The following FOXP1 variants were observed in gnomAD, a reference collection of about 807,000 sequenced individuals.
FOXP1 encodes the protein forkhead box P1.
Under a neutral mutation model 98.2 loss-of-function variants are expected in FOXP1, and 15 were observed. The ratio of observed to expected loss-of-function variants is 0.15; its 90% CI spans 0.10 to 0.24. The LOEUF (loss-of-function observed/expected upper bound fraction) is 0.24, where lower values mean the gene tolerates loss of function less well. Among genes scored for constraint, FOXP1 ranks in the 10% least tolerant of loss-of-function variants. The probability of loss-of-function intolerance (pLI) is 1.00; values close to 1 mark genes in which losing one functional copy is unlikely to be tolerated. For synonymous variants in FOXP1, 371 were observed against 314.5 expected (o/e 1.18, Z -1.90); for missense variants, 633 against 848.5 (o/e 0.75, Z 3.15).
At chr3:71,434,566 G>A (rs978886864) in intron 3 of FOXP1, among the ~76,000 whole-genome samples, 16 of 151,926 alleles carry the variant, frequency 1.1e-4, no homozygotes, top group African/African-American at 3.9e-4. Flanking sequence ...TAGCCTTCCT[G>A]GGCACTCATG....
At chr3:71,268,099 T>C (rs1311258563) in intron 5 of FOXP1, among the ~76,000 whole-genome samples, 5 of 143,186 alleles carry the variant, frequency 3.5e-5, no homozygotes, top group African/African-American at 1.3e-4. Context: ...TCTTTTTTTT[T>C]TTTTTTTTTG....
Position 71,462,597 on chromosome 3 carries a change from C to T in FOXP1, c.-168+30829G>A, listed in dbSNP as rs9859861. ...CCATTCGTGTAAAGCTGAAATTTCA[C>T]CAGGTGTCTTCAGCCAAAACCTCCG... is the stretch of plus-strand genomic sequence containing the variant. On this transcript the variant is annotated intron_variant, in intron 3 of 20. Coordinates refer to ENST00000649528, the MANE Select transcript of FOXP1 (RefSeq NM_001349338.3). Among the ~76,000 whole-genome samples the T allele has an allele frequency of 8.3e-3, 1,267 of 152,218 alleles. 19 individuals are homozygous for T. The highest frequency in any genetic ancestry group is 0.029 in the African/African-American group (1,190 of 41,526).
Position 71,272,978 on chromosome 3 carries a change from C to T in FOXP1, c.-12+26842G>A, listed in dbSNP as rs560435092. 2.2e-4 allele frequency among the ~76,000 whole-genome samples: 33 copies of T among 152,278 alleles called. 1 individual carries two copies. Among genetic ancestry groups the T allele is most frequent in the African/African-American group, 7.7e-4 (32 of 41,558 alleles). ...AAGGGAAATTGCTCTCTCCCTCCCC[C>T]AGTAGAGCCTCCTAACTTCTCACTA... On this transcript the variant is annotated intron_variant, in intron 5 of 20. Coordinates refer to ENST00000649528, the MANE Select transcript of FOXP1 (RefSeq NM_001349338.3).
At chr3:71,045,098 G>C (rs1259288253) in intron 10 of FOXP1, among the ~76,000 whole-genome samples, 1 of 152,162 alleles carries the variant, frequency 6.6e-6, no homozygotes, top group African/African-American at 2.4e-5. Context: ...GCAAGAACCT[G>C]ACACCAGAAA....
intron 1 of FOXP1, chr3:71,582,023 G>A (rs2048214924): frequency 4.1e-6 from 4 of 979,006 alleles, no homozygotes; most frequent in South Asian, 9.5e-5. Flanking sequence ...AAGGTTTGGA[G>A]TTACAACTGT....
chr3:71,501,246 A>G (rs550843686), intron 2 of FOXP1, among the ~76,000 whole-genome samples: 1 of 152,170 alleles, frequency 6.6e-6, no homozygotes, highest in Non-Finnish European at 1.5e-5. Flanking sequence ...ATTTTACTAC[A>G]GAGTGAGCAT....
At chr3:71,025,388 A>G (rs897633454) in intron 11 of FOXP1, among the ~76,000 whole-genome samples, 1 of 152,132 alleles carries the variant, frequency 6.6e-6, no homozygotes, top group Non-Finnish European at 1.5e-5. Context: ...TGGGCCATGG[A>G]CCATAACATG....
At position 71,345,874 on chromosome 3, in the gene FOXP1, A is replaced by T. The variant is rs1280175330; in HGVS notation, c.-73+13276T>A. 4.4e-3 allele frequency among the ~76,000 whole-genome samples: 186 copies of T among 42,164 alleles called. 3 individuals are homozygous for T. Among genetic ancestry groups the T allele is most frequent in the African/African-American group, 0.013 (183 of 14,048 alleles). The allele number at this position is 42,164 out of a possible 152,430, so 27.7% of individuals were successfully genotyped here. A position where few individuals can be genotyped will look rare whatever the true frequency, so the allele number is the denominator to read the frequency against. ...TTTGAAATCAATAAAGTTTTTGTAAAAAAAAAAAAAAAAAAAAAAAAAAAG... is the reference window on the plus strand; with the variant it reads ...TTTGAAATCAATAAAGTTTTTGTAATAAAAAAAAAAAAAAAAAAAAAAAAG... On this transcript the variant is annotated intron_variant, in intron 4 of 20. Coordinates refer to ENST00000649528, the MANE Select transcript of FOXP1 (RefSeq NM_001349338.3).
intron 5 of FOXP1, chr3:71,295,945 A>C (rs2073244003): frequency 1.3e-5 from 2 of 152,294 alleles, no homozygotes; most frequent in South Asian, 4.2e-4. Flanking sequence ...CCAGTCTGTA[A>C]AGTGGGGATT....
intron 2 of FOXP1, among the ~76,000 whole-genome samples, chr3:71,530,866 G>T (rs1410361702): frequency 6.6e-6 from 1 of 152,232 alleles, no homozygotes; most frequent in East Asian, 1.9e-4. Context: ...AAAACCTGAA[G>T]AAAACTACCC....
intron 7 of FOXP1, among the ~76,000 whole-genome samples, chr3:71,091,925 C>A (rs1300173826): frequency 6.6e-6 from 1 of 152,170 alleles, no homozygotes; most frequent in Admixed American, 6.5e-5. Flanking sequence ...CCATGACTCA[C>A]GCCTGTAATT....
At chr3:71,363,446 C>T (rs1269619365) in intron 3 of FOXP1, among the ~76,000 whole-genome samples, 2 of 152,296 alleles carry the variant, frequency 1.3e-5, no homozygotes, top group Admixed American at 1.3e-4. Context: ...ATAGATCTGT[C>T]ATTTTAGAAC....
intron 5 of FOXP1, among the ~76,000 whole-genome samples, chr3:71,248,420 C>G (rs961270234): frequency 1.3e-5 from 2 of 152,088 alleles, no homozygotes; most frequent in Admixed American, 6.6e-5. Context: ...TCAAGATGAT[C>G]TCAAAGCAAA....
At chr3:71,365,854 G>T (rs1471671658) in intron 3 of FOXP1, among the ~76,000 whole-genome samples, 1 of 152,124 alleles carries the variant, frequency 6.6e-6, no homozygotes, top group African/African-American at 2.4e-5. Flanking sequence ...GTGGTGGCGT[G>T]TGCCTCTAGT....
intron 3 of FOXP1, among the ~76,000 whole-genome samples, chr3:71,384,323 G>T (rs1273410561): frequency 6.6e-6 from 1 of 152,118 alleles, no homozygotes; most frequent in Non-Finnish European, 1.5e-5. Context: ...AACTTCCACG[G>T]TCTGTGTGAG....
intron 6 of FOXP1, among the ~76,000 whole-genome samples, chr3:71,196,506 T>C (rs143773538): frequency 7.2e-5 from 11 of 152,352 alleles, no homozygotes; most frequent in Non-Finnish European, 1.5e-4. Context: ...GTAATTAATG[T>C]ACTCTAAATA....
At chr3:71,490,552 A>G (rs570166447) in intron 3 of FOXP1, among the ~76,000 whole-genome samples, 50 of 152,244 alleles carry the variant, frequency 3.3e-4, no homozygotes, top group Admixed American at 9.2e-4. Context: ...TCCAGCTCAC[A>G]GGATTTCAGG....
chr3:71,231,304 CCTT>C (rs1288098002), intron 5 of FOXP1, among the ~76,000 whole-genome samples: 1 of 152,172 alleles, frequency 6.6e-6, no homozygotes, highest in Admixed American at 6.5e-5. Flanking sequence ...AAACATGCTT[CCTT>C]CTTGTTTTGC....
intron 6 of FOXP1, among the ~76,000 whole-genome samples, chr3:71,146,511 T>A (rs1009652192): frequency 1.3e-5 from 2 of 151,464 alleles, no homozygotes; most frequent in Non-Finnish European, 2.9e-5. Flanking sequence ...AGCAAAAAAA[T>A]AAAAAATAAA....
Sources: allele counts gnomAD v4.1 joint callset (sites outside exome capture counted in the v4.1 genomes callset), GRCh38; gene constraint gnomAD v4.1.1; transcripts MANE v1.5; gene names NCBI Gene and HGNC (gene_info 2026-07-23, HGNC 2026-07-21).